Variants in TSPAN5 observed in about 807,000 individuals in gnomAD.
TSPAN5 encodes tetraspanin 5, also known as tetraspanin-5.
Under a neutral mutation model 37.1 loss-of-function variants are expected in TSPAN5, and 10 were observed. That is an observed-to-expected ratio of 0.27 (90% CI 0.17 to 0.46). The LOEUF is 0.46. Among genes scored for constraint, TSPAN5 ranks in the 20% least tolerant of loss-of-function variants. The pLI is 1.00. For synonymous variants in TSPAN5, 110 were observed against 118.9 expected, an observed-to-expected ratio of 0.93 and a Z score of 0.48; for missense variants, 195 against 326.6, an observed-to-expected ratio of 0.60 and a Z score of 3.11.
chr4:98,570,032 G>T (rs1578999549), intron 1 of TSPAN5, among the ~76,000 whole-genome samples: 1 of 152,060 alleles, frequency 6.6e-6, no homozygotes, highest in East Asian at 1.9e-4. Context: ...GAGTCCAAAG[G>T]GAACATCTAA....
At chr4:98,515,639 G>T (rs925925527) in intron 1 of TSPAN5, among the ~76,000 whole-genome samples, 2 of 152,048 alleles carry the variant, frequency 1.3e-5, no homozygotes, top group African/African-American at 2.4e-5. Flanking sequence ...TGTGACCTGG[G>T]ATTAGATAAC....
At chr4:98,569,631 C>A (rs1293502006) in intron 1 of TSPAN5, among the ~76,000 whole-genome samples, 1 of 152,172 alleles carries the variant, frequency 6.6e-6, no homozygotes, top group Non-Finnish European at 1.5e-5. Context: ...GAGGAAAATA[C>A]AAGAGACACT....
intron 7 of TSPAN5, among the ~76,000 whole-genome samples, chr4:98,474,584 G>C (rs932079655): frequency 6.6e-6 from 1 of 152,162 alleles, no homozygotes; most frequent in African/African-American, 2.4e-5. Flanking sequence ...CTGAGCTCAA[G>C]TGATCCACCT....
At chr4:98,579,676 A>G (rs1361381379) in intron 1 of TSPAN5, among the ~76,000 whole-genome samples, 2 of 152,232 alleles carry the variant, frequency 1.3e-5, no homozygotes, top group East Asian at 3.8e-4. Context: ...ACACACAGCT[A>G]TCACTTCCCA....
chr4:98,536,937 TG>T (rs1283221811), intron 1 of TSPAN5, among the ~76,000 whole-genome samples: 2 of 151,802 alleles, frequency 1.3e-5, no homozygotes, highest in Admixed American at 1.3e-4. Flanking sequence ...CTGGGCTCTG[TG>T]GGGGTGGGAC....
chr4:98,543,587 T>C (rs1028556428), intron 1 of TSPAN5, among the ~76,000 whole-genome samples: 2 of 151,736 alleles, frequency 1.3e-5, no homozygotes, highest in African/African-American at 4.8e-5. Context: ...GGCTAATTTT[T>C]TTTTGTATTT....
intron 1 of TSPAN5, among the ~76,000 whole-genome samples, chr4:98,622,428 T>C (rs1337972329): frequency 6.6e-6 from 1 of 152,228 alleles, no homozygotes; most frequent in African/African-American, 2.4e-5. Context: ...TGGAAATGTA[T>C]ACCTAGGGGT....
chr4:98,505,165 A>G (rs1167181813), intron 2 of TSPAN5, among the ~76,000 whole-genome samples: 1 of 151,944 alleles, frequency 6.6e-6, no homozygotes, highest in African/African-American at 2.4e-5. Flanking sequence ...GGGAGACACA[A>G]ATATTCAGTC....
intron 1 of TSPAN5, among the ~76,000 whole-genome samples, chr4:98,602,012 G>A (rs1187297022): frequency 1.3e-5 from 2 of 152,136 alleles, no homozygotes; most frequent in African/African-American, 4.8e-5. Context: ...TATTAAGTTT[G>A]CCTTCTTACA....
intron 7 of TSPAN5, among the ~76,000 whole-genome samples, chr4:98,472,917 T>C (rs555217928): frequency 9.8e-5 from 15 of 152,344 alleles, no homozygotes; most frequent in African/African-American, 3.6e-4. Flanking sequence ...TCTGGACATT[T>C]CATATCAAGG....
rs576852948 is a variant in TSPAN5, at chr4:98,533,543, C to CTTTTTTTTT, written c.82-25824_82-25816dup. Reference sequence around the variant, plus strand: ...GGATTGGTGGTGATATCCCCTATATCTTTTTTTTTTTTTTTTTTTTTTCTT... The same window carrying CTTTTTTTTT: ...GGATTGGTGGTGATATCCCCTATATCTTTTTTTTTTTTTTTTTTTTTTTTTTTTTTTCTT... On this transcript the variant is annotated intron_variant, in intron 1 of 7. Transcript: ENST00000305798. Among the ~76,000 whole-genome samples the CTTTTTTTTT allele has an allele frequency of 3.0e-3, 175 of 58,560 alleles. 33 individuals carry two copies. The highest frequency in any genetic ancestry group is 0.012 in the African/African-American group (127 of 11,000). The allele number at this position is 58,560 out of a possible 152,430, so 38.4% of individuals were successfully genotyped here.
At chr4:98,635,386 C>T (rs1485162418) in intron 1 of TSPAN5, among the ~76,000 whole-genome samples, 2 of 152,164 alleles carry the variant, frequency 1.3e-5, no homozygotes, top group Non-Finnish European at 2.9e-5. Flanking sequence ...TGTGGAGGTA[C>T]TATCCCAACA....
chr4:98,616,708 T>G (rs1026488962), intron 1 of TSPAN5, among the ~76,000 whole-genome samples: 5 of 152,144 alleles, frequency 3.3e-5, no homozygotes. Flanking sequence ...CTTTTCATAC[T>G]TTGCCTCTCA....
intron 1 of TSPAN5, among the ~76,000 whole-genome samples, chr4:98,555,973 G>A (rs1034456768): frequency 4.1e-5 from 5 of 120,874 alleles, no homozygotes; most frequent in Admixed American, 1.5e-4. Flanking sequence ...CCACACACGC[G>A]CGCGCACACA....
intron 1 of TSPAN5, among the ~76,000 whole-genome samples, chr4:98,651,056 A>C (rs540612650): frequency 6.6e-6 from 1 of 152,374 alleles, no homozygotes; most frequent in South Asian, 2.1e-4. Flanking sequence ...AAACATTTAT[A>C]AATTACAAAT....
intron 1 of TSPAN5, among the ~76,000 whole-genome samples, chr4:98,638,480 C>T (rs997302105): frequency 1.3e-5 from 2 of 152,202 alleles, no homozygotes; most frequent in African/African-American, 2.4e-5. Context: ...ACGCATTTAA[C>T]TGGCTAGGTA....
Position 98,582,047 on chromosome 4 carries a change from T to C in TSPAN5, c.82-74319A>G, listed in dbSNP as rs76167480. Among the ~76,000 whole-genome samples, 2,377 of 152,268 alleles carry C rather than the reference T, an allele frequency of 0.016. 170 individuals carry two copies. The East Asian group carries it at 0.21, about 14-fold the overall frequency. ...AACATCTGAGCTCCCGGCCCATCTC[T>C]TGTGGGACATGGGCTGTAGGGAAAT... On this transcript the variant is annotated intron_variant, in intron 1 of 7. Coordinates refer to ENST00000305798, the MANE Select transcript of TSPAN5 (RefSeq NM_005723.4).
intron 1 of TSPAN5, among the ~76,000 whole-genome samples, chr4:98,651,408 G>A (rs771257515): frequency 6.6e-5 from 10 of 152,190 alleles, no homozygotes; most frequent in Non-Finnish European, 1.5e-4. Context: ...CATTATGGGA[G>A]CAACTGGGAA....
chr4:98,557,104 C>G (rs908667165), intron 1 of TSPAN5, among the ~76,000 whole-genome samples: 56 of 151,972 alleles, frequency 3.7e-4, no homozygotes, highest in African/African-American at 1.3e-3. Context: ...AAAGTCAAAG[C>G]CAATTATGAG....
Sources: allele counts gnomAD v4.1 joint callset (sites outside exome capture counted in the v4.1 genomes callset), GRCh38; gene constraint gnomAD v4.1.1; transcripts MANE v1.5; gene names NCBI Gene and HGNC (gene_info 2026-07-23, HGNC 2026-07-21).